The following ANKRD6 variants were observed in gnomAD, a reference collection of about 807,000 sequenced individuals.
ANKRD6 encodes ankyrin repeat domain 6.
A neutral mutation model predicts 82.3 loss-of-function variants in ANKRD6; 56 were observed. That is an observed-to-expected ratio of 0.68 (90% CI 0.55 to 0.85). The LOEUF is 0.85. Among genes scored for constraint, ANKRD6 ranks in the 40% least tolerant of loss-of-function variants. The probability of loss-of-function intolerance (pLI) is 0.00; values close to 1 mark genes in which losing one functional copy is unlikely to be tolerated. For synonymous variants in ANKRD6, 347 were observed against 352.1 expected (o/e 0.99, Z 0.16); for missense variants, 852 against 907.6 (o/e 0.94, Z 0.79).
chr6:89,532,900 A>G (rs1375591730), intron 1 of ANKRD6, among the ~76,000 whole-genome samples: 5 of 145,864 alleles, frequency 3.4e-5, no homozygotes, highest in African/African-American at 1.0e-4. Context: ...TTTGAGATGG[A>G]GTCTCGCTCT....
chr6:89,444,925 A>C (rs544718399), intron 1 of ANKRD6, among the ~76,000 whole-genome samples: 1 of 152,238 alleles, frequency 6.6e-6, no homozygotes, highest in South Asian at 2.1e-4. Flanking sequence ...CCAAGATCAC[A>C]CCATTGCACT....
In ANKRD6 at chr6:89,435,758, C is replaced by A. The variant is rs150909990; in HGVS notation, c.-144+2383C>A. Among the ~76,000 whole-genome samples, 565 of 152,222 alleles carry A rather than the reference C, an allele frequency of 3.7e-3. 4 individuals carry two copies. The highest frequency in any genetic ancestry group is 0.013 in the African/African-American group (542 of 41,538). ...GGGAAAACAGTAATTTGGGTGCGTG[C>A]GTTTTAGAAGTTTTTTTAAAAATGC... On this transcript the variant is annotated intron_variant, in intron 1 of 15. Coordinates refer to ENST00000339746, the MANE Select transcript of ANKRD6 (RefSeq NM_001242809.2).
intron 2 of ANKRD6, among the ~76,000 whole-genome samples, chr6:89,593,118 C>T (rs1425644232): frequency 6.6e-6 from 1 of 152,142 alleles, no homozygotes; most frequent in African/African-American, 2.4e-5. Context: ...TCTTTCCAGC[C>T]TCCCCAGGCA....
chr6:89,609,405 G>A (rs758255249), intron 5 of ANKRD6, among the ~76,000 whole-genome samples: 2 of 147,280 alleles, frequency 1.4e-5, no homozygotes, highest in Non-Finnish European at 3.0e-5. Flanking sequence ...GGGTTCAAGC[G>A]ATTCTCCTGC....
chr6:89,498,718 G>A (rs1338911752), intron 1 of ANKRD6, among the ~76,000 whole-genome samples: 1 of 152,148 alleles, frequency 6.6e-6, no homozygotes, highest in Non-Finnish European at 1.5e-5. Context: ...ATACAATCCG[G>A]TCATTGTTTC....
Position 89,570,975 on chromosome 6 carries a change from C to T in ANKRD6, c.120+3879C>T, listed in dbSNP as rs116763735. Among the ~76,000 whole-genome samples the T allele has an allele frequency of 3.0e-4, 46 of 152,288 alleles. 1 individual carries two copies. Among genetic ancestry groups the T allele is most frequent in the African/African-American group, 8.7e-4 (36 of 41,568 alleles). ...TCCATACTGTTTTCCATGGCTGTTG[C>T]ACCATTTTACAGTGCTACCAACAGT... On this transcript the variant is annotated intron_variant, in intron 2 of 15. Transcript: ENST00000339746.
intron 1 of ANKRD6, among the ~76,000 whole-genome samples, chr6:89,476,153 GT>G (rs1387317802): frequency 6.6e-6 from 1 of 151,908 alleles, no homozygotes; most frequent in East Asian, 1.9e-4. Context: ...TAATTAATAT[GT>G]GTATGTTTTT....
chr6:89,505,579 G>C (rs368384373), intron 1 of ANKRD6, among the ~76,000 whole-genome samples: 1 of 152,200 alleles, frequency 6.6e-6, no homozygotes, highest in Non-Finnish European at 1.5e-5. Context: ...ACGGAGAAGG[G>C]TCTGCCACTA....
In ANKRD6 at chr6:89,622,033, G is replaced by T; in HGVS notation, c.897+7G>T. 1 of 1,611,148 alleles carries T rather than the reference G, an allele frequency of 6.2e-7. No individual in the cohort carries two copies. Among genetic ancestry groups the T allele is most frequent in the South Asian group, 1.1e-5 (1 of 90,966 alleles). On this transcript the variant is annotated splice_region_variant and intron_variant, in intron 10 of 15. Coordinates refer to ENST00000339746, the MANE Select transcript of ANKRD6 (RefSeq NM_001242809.2). ...TGAGGTGGCCCAAAGCAAGGTGGGG[G>T]GCAGTCCTCCCGCCGTCCCCACATC...
At chr6:89,609,210 G>A (rs768103186) in intron 5 of ANKRD6, among the ~76,000 whole-genome samples, 3 of 152,220 alleles carry the variant, frequency 2.0e-5, no homozygotes, top group Non-Finnish European at 2.9e-5. Context: ...TAATATCGCC[G>A]GTAGTGCCTG....
chr6:89,544,723 C>T (rs747716891), intron 1 of ANKRD6, among the ~76,000 whole-genome samples: 74 of 151,378 alleles, frequency 4.9e-4, no homozygotes, highest in Admixed American at 7.9e-4. Context: ...CCAAAAAAAC[C>T]CCAAAAAACA....
At chr6:89,550,521 G>A (rs538212412) in intron 1 of ANKRD6, among the ~76,000 whole-genome samples, 6 of 152,300 alleles carry the variant, frequency 3.9e-5, no homozygotes, top group African/African-American at 1.4e-4. Flanking sequence ...CTACTCTTGA[G>A]GGTAGTGATT....
intron 1 of ANKRD6, among the ~76,000 whole-genome samples, chr6:89,447,111 G>C (rs979545744): frequency 2.0e-5 from 3 of 152,136 alleles, no homozygotes; most frequent in Non-Finnish European, 2.9e-5. Context: ...AAAATTAGCA[G>C]GGCATGGTGA....
chr6:89,469,676 T>G (rs1472956236), intron 1 of ANKRD6, among the ~76,000 whole-genome samples: 1 of 152,218 alleles, frequency 6.6e-6, no homozygotes, highest in Admixed American at 6.5e-5. Context: ...CCCTTCCAGC[T>G]TGCAGTGCTC....
intron 1 of ANKRD6, among the ~76,000 whole-genome samples, chr6:89,445,460 T>G (rs578053096): frequency 6.6e-6 from 1 of 151,514 alleles, no homozygotes; most frequent in South Asian, 2.1e-4. Flanking sequence ...ATTTATTTAT[T>G]TATTTGACAT....
At chr6:89,468,380 T>G (rs1775076623) in intron 1 of ANKRD6, among the ~76,000 whole-genome samples, 1 of 152,212 alleles carries the variant, frequency 6.6e-6, no homozygotes, top group Non-Finnish European at 1.5e-5. Context: ...CTACCAGTAT[T>G]GCTTATAAAT....
chr6:89,554,748 G>C (rs1037021672), intron 1 of ANKRD6, among the ~76,000 whole-genome samples: 6 of 152,188 alleles, frequency 3.9e-5, no homozygotes, highest in Non-Finnish European at 8.8e-5. Context: ...GAAGCTCAGA[G>C]TCTGAGAGGA....
chr6:89,538,031 A>G (rs940377853), intron 1 of ANKRD6, among the ~76,000 whole-genome samples: 5 of 152,200 alleles, frequency 3.3e-5, no homozygotes, highest in African/African-American at 1.2e-4. Context: ...TTGTATCTCT[A>G]AATGCACTCT....
intron 10 of ANKRD6, among the ~76,000 whole-genome samples, chr6:89,622,565 G>C (rs1401079798): frequency 6.6e-6 from 1 of 152,190 alleles, no homozygotes; most frequent in Non-Finnish European, 1.5e-5. Context: ...GGGGAGCAAG[G>C]CTATGCTAGC....
Sources: gnomAD v4.1 joint callset for allele counts (sites outside exome capture counted in the v4.1 genomes callset) on GRCh38, gnomAD v4.1.1 for gene constraint, MANE v1.5 for transcripts, NCBI Gene and HGNC (gene_info 2026-07-23, HGNC 2026-07-21) for gene names.